Variants in MGRN1 observed in about 807,000 individuals in gnomAD.
The protein encoded by MGRN1 is mahogunin ring finger 1, also known as E3 ubiquitin-protein ligase MGRN1.
In MGRN1, 29 loss-of-function variants were observed where a neutral mutation model predicts 69.2. The observed-to-expected ratio is 0.42, with a 90% CI of 0.31 to 0.57. The LOEUF is 0.57. Ranked by LOEUF, MGRN1 falls within the 20% of genes least tolerant of loss-of-function variation. The probability of loss-of-function intolerance (pLI) is 0.15; values close to 1 mark genes in which losing one functional copy is unlikely to be tolerated. For synonymous variants in MGRN1, 470 were observed against 344.2 expected (o/e 1.37, Z -4.04); for missense variants, 998 against 796.2 (o/e 1.25, Z -3.05).
At chr16:4,675,862 C>T (rs1659493) in intron 10 of MGRN1, among the ~76,000 whole-genome samples, 67,041 of 152,138 alleles carry the variant, frequency 0.44, 17,631 homozygotes, top group East Asian at 0.65. Flanking sequence ...TCGTAGGGCC[C>T]CGTTCTGAGT....
chr16:4,651,720 G>A (rs1455138495), intron 2 of MGRN1, among the ~76,000 whole-genome samples: 1 of 152,158 alleles, frequency 6.6e-6, no homozygotes, highest in Non-Finnish European at 1.5e-5. Context: ...GCGTGCAGGG[G>A]TCTGGCGTTG....
At chr16:4,674,580 TTTTTTTTTTTCTTTTCTTTTC>T (rs767428656) in intron 10 of MGRN1, among the ~76,000 whole-genome samples, 1,710 of 141,114 alleles carry the variant, frequency 0.012, 21 homozygotes, top group Non-Finnish European at 0.02. Flanking sequence ...AGCCACCGCT[TTTTTTTTTTTCTTTTCTTTTC>T]TTTTTTTTTC....
At chr16:4,672,647 G>A (rs934683565) in intron 9 of MGRN1, 1 of 350,190 alleles carries the variant, frequency 2.9e-6, no homozygotes, top group Non-Finnish European at 5.6e-6. Context: ...AACAGGAGCA[G>A]CGGGGACTGT....
intron 1 of MGRN1, among the ~76,000 whole-genome samples, chr16:4,637,729 A>G (rs747394077): frequency 6.6e-6 from 1 of 152,226 alleles, no homozygotes; most frequent in Non-Finnish European, 1.5e-5. Flanking sequence ...GTGTGAGGCC[A>G]TCGCCACCCA....
intron 8 of MGRN1, 112 bp downstream of exon 8, chr16:4,668,424 T>C: frequency 1.9e-6 from 2 of 1,047,328 alleles, no homozygotes; most frequent in Admixed American, 2.1e-5. Flanking sequence ...CATATACTCA[T>C]ACACGCTCAT....
At chr16:4,635,801 A>G (rs1393490844) in intron 1 of MGRN1, among the ~76,000 whole-genome samples, 1 of 125,696 alleles carries the variant, frequency 8.0e-6, no homozygotes, top group Non-Finnish European at 1.7e-5. Context: ...CGCCCAGCTA[A>G]TTTTTTTTTT....
chr16:4,683,114 C>A lies in MGRN1; in HGVS notation c.1483-110C>A. ...CCTCGGTCTGTGGAGGCAGCACCCC[C>A]TGGTGGAGCGGCTGTGCGGTCCCGG... On this transcript the variant is annotated intron_variant, in intron 14 of 16. Coordinates refer to ENST00000262370, the MANE Select transcript of MGRN1 (RefSeq NM_015246.4). 16 of 1,531,194 alleles carry A rather than the reference C, an allele frequency of 1.0e-5. No individual in the cohort carries two copies. In the South Asian group the frequency reaches 1.8e-4, roughly 17 times the overall value. 94.9% of individuals were successfully genotyped at this position (1,531,194 alleles called of 1,614,324 possible).
chr16:4,684,307 C>T (rs893461282), intron 16 of MGRN1, among the ~76,000 whole-genome samples: 1 of 152,260 alleles, frequency 6.6e-6, no homozygotes, highest in Non-Finnish European at 1.5e-5. Flanking sequence ...GGGATCACCA[C>T]ATGTTCCCCC....
In MGRN1 at chr16:4,673,380, C is replaced by G. The variant is rs548387535; in HGVS notation, c.796-118C>G. Reference sequence around the variant, plus strand: ...ACCTCCCCCTCCCCTCTGGACTTCTCTTTGTCATGACAGCCCCCAGGGTAG... The same window carrying G: ...ACCTCCCCCTCCCCTCTGGACTTCTGTTTGTCATGACAGCCCCCAGGGTAG... On this transcript the variant is annotated intron_variant, in intron 9 of 16. Coordinates refer to ENST00000262370, the MANE Select transcript of MGRN1 (RefSeq NM_015246.4). The G allele has an allele frequency of 1.5e-3, 2,120 of 1,377,414 alleles. 1 individual carries two copies. The highest frequency in any genetic ancestry group is 1.7e-3 in the Non-Finnish European group (1,705 of 1,012,618). 85.3% of individuals were successfully genotyped at this position (1,377,414 alleles called of 1,614,324 possible).
Position 4,652,038 on chromosome 16 carries a change from C to A in MGRN1, c.283C>A (p.Leu95Met). ...RSLVNIRKDS[L>M]RLVRYKDDAD... ...CCTGGTGAACATCCGCAAAGACTCC[C>A]TGCGGCTGGTGAGGTAACTTCACCC... The change falls in exon 3 of 17, where the codon CTG (leucine) becomes ATG (methionine). Residue 95 changes from leucine (L) to methionine (M), a missense_variant. Physicochemically the swap from Leu to Met is conservative, Grantham distance 15. Coordinates refer to ENST00000262370, the MANE Select transcript of MGRN1 (RefSeq NM_015246.4). 3 of 1,614,006 alleles carry A rather than the reference C, an allele frequency of 1.9e-6. No individual in the cohort carries two copies. Among genetic ancestry groups the A allele is most frequent in the Middle Eastern group, 1.7e-4 (1 of 6,056 alleles).
chr16:4,655,905 G>T (rs1041028649), intron 4 of MGRN1, among the ~76,000 whole-genome samples: 1 of 152,266 alleles, frequency 6.6e-6, no homozygotes, highest in African/African-American at 2.4e-5. Context: ...GTCCACCTGA[G>T]GGTGGCGTCT....
rs2079394646 is a variant in MGRN1 at position 4,688,787 on chromosome 16, C to T, written c.1619-9C>T. The stretch of plus-strand genomic sequence containing the variant: ...AGTGTGACCCTCCTCCCTCTGCTCC[C>T]ACCTGCAGGACGGCCCACCTCCATG... On this transcript the variant is annotated splice_polypyrimidine_tract_variant and intron_variant, in intron 16 of 16. Transcript: ENST00000262370. 1.3e-6 allele frequency: 2 copies of T among 1,539,396 alleles called. No individual in the cohort carries two copies. Among genetic ancestry groups the T allele is most frequent in the Non-Finnish European group, 1.8e-6 (2 of 1,137,954 alleles).
At chr16:4,629,827 C>G (rs1438350949) in intron 1 of MGRN1, among the ~76,000 whole-genome samples, 1 of 151,698 alleles carries the variant, frequency 6.6e-6, no homozygotes, top group Non-Finnish European at 1.5e-5. Flanking sequence ...GGGCGGATCA[C>G]CTGAGGTCAG....
chr16:4,689,057 G>A lies in MGRN1; in HGVS notation c.*149G>A, dbSNP rs2079401267. On this transcript the variant is annotated 3_prime_UTR_variant, in exon 17 of 17. Transcript: ENST00000262370. ...GGCCGTGGTGACTCTTGATCAAAGA[G>A]CACAGTGAACTGTCCCTTCTGAGTC... The A allele has an allele frequency of 2.7e-6, 3 of 1,099,464 alleles. No individual in the cohort carries two copies. The highest frequency in any genetic ancestry group is 3.8e-6 in the Non-Finnish European group (3 of 797,986). The allele number at this position is 1,099,464 out of a possible 1,614,324, so 68.1% of individuals were successfully genotyped here. A position where few individuals can be genotyped will look rare whatever the true frequency, so the allele number is the denominator to read the frequency against.
At chr16:4,648,341 G>A (rs868178041) in intron 1 of MGRN1, among the ~76,000 whole-genome samples, 1 of 134,818 alleles carries the variant, frequency 7.4e-6, no homozygotes, top group African/African-American at 3.2e-5. Flanking sequence ...TCCTCCTCTC[G>A]GGGACTCTTC....
chr16:4,646,746 G>T (rs540360514), intron 1 of MGRN1, among the ~76,000 whole-genome samples: 1 of 152,366 alleles, frequency 6.6e-6, no homozygotes, highest in Non-Finnish European at 1.5e-5. Flanking sequence ...GATGCGCTGG[G>T]GGCCCTCGTG....
intron 1 of MGRN1, among the ~76,000 whole-genome samples, chr16:4,633,362 C>T (rs1012783879): frequency 1.3e-5 from 2 of 151,008 alleles, no homozygotes; most frequent in African/African-American, 4.9e-5. Flanking sequence ...GCATTCCAGC[C>T]TGGGCAACAG....
In MGRN1 at chr16:4,689,257, G is replaced by C. The variant is rs995528377; in HGVS notation, c.*349G>C. On this transcript the variant is annotated 3_prime_UTR_variant, in exon 17 of 17. Coordinates refer to ENST00000262370, the MANE Select transcript of MGRN1 (RefSeq NM_015246.4). ...CTGCTCCTGCAACAGTGCGGTCCCTGCCCGGAGAACTCAGGAGGCCTGCAG... is the reference window on the plus strand; with the variant it reads ...CTGCTCCTGCAACAGTGCGGTCCCTCCCCGGAGAACTCAGGAGGCCTGCAG... 2 of 238,366 alleles carry C rather than the reference G, an allele frequency of 8.4e-6. No homozygotes were observed. Among genetic ancestry groups the C allele is most frequent in the African/African-American group, 2.2e-5 (1 of 44,718 alleles). The allele number at this position is 238,366 out of a possible 1,614,324, so 14.8% of individuals were successfully genotyped here.
chr16:4,677,813 CGAGGTCTCGGTG>C (rs924276589), intron 11 of MGRN1, among the ~76,000 whole-genome samples: 1 of 139,514 alleles, frequency 7.2e-6, no homozygotes, highest in African/African-American at 2.7e-5. Context: ...TGAGCGCGGT[CGAGGTCTCGGTG>C]GAGCCAGGTG....
Sources: allele counts gnomAD v4.1 joint callset (sites outside exome capture counted in the v4.1 genomes callset), GRCh38; gene constraint gnomAD v4.1.1; transcripts MANE v1.5; gene names NCBI Gene and HGNC (gene_info 2026-07-23, HGNC 2026-07-21).